Variants in SETBP1 observed in about 807,000 individuals in gnomAD.
The protein encoded by SETBP1 is SET-binding protein.
Under a neutral mutation model 101.0 loss-of-function variants are expected in SETBP1, and 9 were observed. The ratio of observed to expected loss-of-function variants is 0.09; its 90% CI spans 0.05 to 0.16. SETBP1 has a LOEUF of 0.16. SETBP1 is among the 10% of genes least tolerant of loss of function. SETBP1 has a pLI of 1.00. For missense variants in SETBP1, 1,858 were observed against 2,033.8 expected (o/e 0.91, Z 1.66); for synonymous variants, 818 against 788.5 (o/e 1.04, Z -0.63).
chr18:44,836,518 C>T (rs1341996647), intron 2 of SETBP1, among the ~76,000 whole-genome samples: 1 of 152,078 alleles, frequency 6.6e-6, no homozygotes, highest in African/African-American at 2.4e-5. Context: ...CTACTCCACT[C>T]CACTCTTTCC....
At chr18:44,788,790 A>ATTT (rs34929410) in intron 2 of SETBP1, among the ~76,000 whole-genome samples, 115 of 80,384 alleles carry the variant, frequency 1.4e-3, no homozygotes, top group African/African-American at 2.3e-3. Flanking sequence ...TTCCTTTTTA[A>ATTT]TTTTTTTTTT....
chr18:44,963,899 CA>C (rs59077847), intron 4 of SETBP1, among the ~76,000 whole-genome samples: 314 of 41,606 alleles, frequency 7.5e-3, no homozygotes, highest in African/African-American at 0.029. Context: ...GACCCCATCT[CA>C]AAAAAAAAAA....
chr18:44,809,054 C>T (rs553616415), intron 2 of SETBP1, among the ~76,000 whole-genome samples: 26 of 152,274 alleles, frequency 1.7e-4, no homozygotes, highest in African/African-American at 6.0e-4. Context: ...AGAATAGTGC[C>T]TTTTTCTATT....
In SETBP1 at chr18:44,902,780, CTT is replaced by C. The variant is rs146006045; in HGVS notation, c.540+33498_540+33499del. ...ATGGTATTTTCAGAATAAATTCTGA[CTT>C]ATGTTATTGGGATTATTAGTGCCTC... is the stretch of plus-strand genomic sequence containing the variant. On this transcript the variant is annotated intron_variant, in intron 3 of 5. Coordinates refer to ENST00000649279, the MANE Select transcript of SETBP1 (RefSeq NM_015559.3). Among the ~76,000 whole-genome samples the C allele has an allele frequency of 1.2e-4, 19 of 152,042 alleles. No individual in the cohort carries two copies. In the East Asian group the frequency reaches 1.7e-3, roughly 14 times the overall value.
chr18:45,020,515 G>A (rs566887474), intron 4 of SETBP1, among the ~76,000 whole-genome samples: 1 of 152,178 alleles, frequency 6.6e-6, no homozygotes, highest in Admixed American at 6.5e-5. Context: ...TCCCACATTT[G>A]GCTCTCAGAT....
At chr18:44,994,234 A>G (rs1022324688) in intron 4 of SETBP1, among the ~76,000 whole-genome samples, 1 of 152,294 alleles carries the variant, frequency 6.6e-6, no homozygotes, top group Admixed American at 6.5e-5. Flanking sequence ...CACACAAAAA[A>G]AAGTTCAGTA....
intron 4 of SETBP1, among the ~76,000 whole-genome samples, chr18:44,971,216 T>C (rs2071850092): frequency 6.6e-6 from 1 of 152,244 alleles, no homozygotes; most frequent in South Asian, 2.1e-4. Context: ...CATCATTTTT[T>C]ATGGCTGCAT....
At chr18:45,003,987 G>C (rs1380348407) in intron 4 of SETBP1, among the ~76,000 whole-genome samples, 1 of 152,142 alleles carries the variant, frequency 6.6e-6, no homozygotes, top group Non-Finnish European at 1.5e-5. Flanking sequence ...AGCTAAGTGG[G>C]GGCTTCTGCT....
At chr18:44,853,341 A>C (rs180877386) in intron 2 of SETBP1, among the ~76,000 whole-genome samples, 1 of 152,334 alleles carries the variant, frequency 6.6e-6, no homozygotes. Flanking sequence ...AATGTGGTAC[A>C]GTATCTTCTC....
chr18:45,009,774 C>T (rs1297877177), intron 4 of SETBP1, among the ~76,000 whole-genome samples: 4 of 152,098 alleles, frequency 2.6e-5, no homozygotes, highest in Non-Finnish European at 4.4e-5. Context: ...CAGAGAGTGA[C>T]CTGCATTGTT....
intron 3 of SETBP1, among the ~76,000 whole-genome samples, chr18:44,937,038 C>T (rs1221584430): frequency 6.6e-6 from 1 of 152,180 alleles, no homozygotes; most frequent in East Asian, 1.9e-4. Context: ...TTCAGAAAAG[C>T]AGTTCACTGA....
intron 2 of SETBP1, among the ~76,000 whole-genome samples, chr18:44,735,291 T>G (rs992882617): frequency 6.6e-6 from 1 of 152,226 alleles, no homozygotes; most frequent in Admixed American, 6.5e-5. Flanking sequence ...TAGTTCTTCT[T>G]TTTTCAGTTG....
chr18:44,938,116 GACC>G (rs1291686469), intron 3 of SETBP1, among the ~76,000 whole-genome samples: 1 of 152,128 alleles, frequency 6.6e-6, no homozygotes, highest in East Asian at 1.9e-4. Flanking sequence ...CCATGGTCAG[GACC>G]ACTCTGGAGC....
chr18:44,758,349 A>T (rs915174860), intron 2 of SETBP1, among the ~76,000 whole-genome samples: 1 of 152,146 alleles, frequency 6.6e-6, no homozygotes, highest in African/African-American at 2.4e-5. Context: ...CAGGACCTTA[A>T]ATCTTGAGAC....
At chr18:45,003,581 G>A (rs1422684794) in intron 4 of SETBP1, among the ~76,000 whole-genome samples, 2 of 151,612 alleles carry the variant, frequency 1.3e-5, no homozygotes, top group African/African-American at 2.4e-5. Flanking sequence ...GTGAACGAGC[G>A]AGTAGCCTGC....
chr18:44,894,491 A>C (rs1376921789), intron 3 of SETBP1, among the ~76,000 whole-genome samples: 1 of 152,048 alleles, frequency 6.6e-6, no homozygotes, highest in Admixed American at 6.6e-5. Flanking sequence ...TTTGAATGTT[A>C]AAGGACCCCC....
chr18:44,791,937 G>A (rs1421919590), intron 2 of SETBP1, among the ~76,000 whole-genome samples: 2 of 152,034 alleles, frequency 1.3e-5, no homozygotes, highest in South Asian at 2.1e-4. Flanking sequence ...CTCAACTGTG[G>A]GGAAGGCATC....
chr18:45,057,724 C>A (rs891507398), intron 5 of SETBP1, among the ~76,000 whole-genome samples: 1 of 152,184 alleles, frequency 6.6e-6, no homozygotes, highest in African/African-American at 2.4e-5. Flanking sequence ...AAGAAAAATT[C>A]TAAGGAATCT....
chr18:44,717,881 T>C (rs2069501657), intron 2 of SETBP1, among the ~76,000 whole-genome samples: 1 of 152,128 alleles, frequency 6.6e-6, no homozygotes, highest in Non-Finnish European at 1.5e-5. Flanking sequence ...GGACATAGAA[T>C]TTTTCTAGAT....
Sources: allele counts gnomAD v4.1 joint callset (sites outside exome capture counted in the v4.1 genomes callset), GRCh38; gene constraint gnomAD v4.1.1; transcripts MANE v1.5; gene names NCBI Gene and HGNC (gene_info 2026-07-23, HGNC 2026-07-21).